The following ARHGEF7 variants were observed in gnomAD, a reference collection of about 807,000 sequenced individuals.
ARHGEF7 encodes Rho guanine nucleotide exchange factor 7, also known as PAK-interacting exchange factor beta.
ARHGEF7 carries 33 observed loss-of-function variants against 109.8 expected under a neutral mutation model. The ratio of observed to expected loss-of-function variants is 0.30; its 90% CI spans 0.23 to 0.40. The LOEUF (loss-of-function observed/expected upper bound fraction) is 0.40, where lower values mean the gene tolerates loss of function less well. Ranked by LOEUF, ARHGEF7 falls within the 10% of genes least tolerant of loss-of-function variation. The pLI is 1.00. For synonymous variants in ARHGEF7, 458 were observed against 424.6 expected, an observed-to-expected ratio of 1.08 and a Z score of -0.97; for missense variants, 938 against 1,098.5, an observed-to-expected ratio of 0.85 and a Z score of 2.07.
intron 4 of ARHGEF7, among the ~76,000 whole-genome samples, chr13:111,212,443 C>T (rs1020454744): frequency 1.3e-5 from 2 of 152,108 alleles, no homozygotes; most frequent in African/African-American, 2.4e-5. Context: ...TGTTCGACAC[C>T]GCTGGAATTC....
intron 2 of ARHGEF7, among the ~76,000 whole-genome samples, chr13:111,200,329 A>G (rs754624875): frequency 6.7e-6 from 1 of 148,752 alleles, no homozygotes; most frequent in Non-Finnish European, 1.5e-5. Flanking sequence ...GCCTTAACTC[A>G]TTTTTTTTTC....
At chr13:111,138,657 C>T (rs2075201714) in intron 1 of ARHGEF7, among the ~76,000 whole-genome samples, 2 of 152,116 alleles carry the variant, frequency 1.3e-5, no homozygotes, top group African/African-American at 2.4e-5. Flanking sequence ...CTGCACCGCT[C>T]GCACCGTCCT....
At chr13:111,244,429 A>G (rs1028772991) in intron 8 of ARHGEF7, 135 bp downstream of exon 8, 2 of 607,198 alleles carry the variant, frequency 3.3e-6, no homozygotes, top group Non-Finnish European at 2.9e-6. Context: ...TGGGTAAATC[A>G]GCTTTTACAG....
chr13:111,287,774 C>T (rs986168756), intron 17 of ARHGEF7, among the ~76,000 whole-genome samples: 4 of 152,192 alleles, frequency 2.6e-5, no homozygotes, highest in Admixed American at 1.3e-4. Context: ...CCTGGCAGAG[C>T]GGGAGGTAGC....
At chr13:111,244,371 T>C in intron 8 of ARHGEF7, 77 bp downstream of exon 8, 1 of 855,474 alleles carries the variant, frequency 1.2e-6, no homozygotes, top group Non-Finnish European at 1.8e-6. Flanking sequence ...GAAGTAATTT[T>C]AGAATTCACA....
Position 111,304,491 on chromosome 13 carries a change from G to A in ARHGEF7, c.*1378G>A, listed in dbSNP as rs1272285630. 1 of 152,232 alleles carries A rather than the reference G, an allele frequency of 6.6e-6. No homozygotes were observed. Among genetic ancestry groups the A allele is most frequent in the African/African-American group, 2.4e-5 (1 of 41,460 alleles). The allele number at this position is 152,232 out of a possible 1,614,324, so 9.4% of individuals were successfully genotyped here. A position where few individuals can be genotyped will look rare whatever the true frequency, so the allele number is the denominator to read the frequency against. ...TTAAAAACCCAAATTGCAGCACCGT[G>A]GATTACTGGTCTCAGAACAACTCAT... On this transcript the variant is annotated 3_prime_UTR_variant, in exon 22 of 22. Coordinates refer to ENST00000646102, the MANE Select transcript of ARHGEF7 (RefSeq NM_001354046.2).
chr13:111,197,158 C>T (rs910156259), intron 2 of ARHGEF7, among the ~76,000 whole-genome samples: 12 of 151,082 alleles, frequency 7.9e-5, no homozygotes, highest in African/African-American at 2.5e-4. Context: ...TTGCGCTCAC[C>T]GACGCAGCAG....
chr13:111,241,052 G>T (rs1021088103), intron 6 of ARHGEF7: 29 of 1,256,330 alleles, frequency 2.3e-5, no homozygotes, highest in Non-Finnish European at 2.7e-5. Context: ...TCTTTGTTTT[G>T]CTGTGCTCTG....
At chr13:111,277,811 G>C (rs1166972971) in intron 13 of ARHGEF7, 138 bp downstream of exon 13, 6 of 580,220 alleles carry the variant, frequency 1.0e-5, no homozygotes, top group South Asian at 7.5e-5. Flanking sequence ...AGATATGGAC[G>C]TACAGCTCCT....
chr13:111,283,084 C>T lies in ARHGEF7; in HGVS notation c.1726-55C>T, dbSNP rs760788213. 30 of 1,539,300 alleles carry T rather than the reference C, an allele frequency of 1.9e-5. No individual in the cohort carries two copies. In the East Asian group the frequency reaches 2.2e-4, roughly 11 times the overall value. On this transcript the variant is annotated intron_variant, in intron 15 of 21. Transcript: ENST00000646102. ...GAAGTGCGTGATAAGTGCCCTTTCG[C>T]GGTGAGCACGCGAGTCTCATGTTCT...
rs200499722 is a variant in ARHGEF7 at position 111,286,252 on chromosome 13, C to T, written c.2044+12C>T. Reference sequence around the variant, plus strand: ...CGCGTCCCGGAAAAGTGAGTACCTGCGGTCCGTGTGGTGGAGGACGTGGCC... The same window carrying T: ...CGCGTCCCGGAAAAGTGAGTACCTGTGGTCCGTGTGGTGGAGGACGTGGCC... On this transcript the variant is annotated intron_variant, in intron 17 of 21. Transcript: ENST00000646102. 152 of 1,607,996 alleles carry T rather than the reference C, an allele frequency of 9.5e-5. No homozygotes were observed. The highest frequency in any genetic ancestry group is 1.8e-4 in the Middle Eastern group (1 of 5,510).
At chr13:111,300,584 A>T (rs971223941) in intron 19 of ARHGEF7, among the ~76,000 whole-genome samples, 164 bp from the exon 20 acceptor site, 2 of 152,256 alleles carry the variant, frequency 1.3e-5, no homozygotes, top group Non-Finnish European at 2.9e-5. Flanking sequence ...AGAGGTGAAG[A>T]GAACTGGTAA....
intron 8 of ARHGEF7, among the ~76,000 whole-genome samples, chr13:111,246,658 G>A (rs1195604035): frequency 6.6e-6 from 1 of 152,146 alleles, no homozygotes; most frequent in Non-Finnish European, 1.5e-5. Flanking sequence ...GCATAAAGTG[G>A]CATTACTTAC....
intron 4 of ARHGEF7, among the ~76,000 whole-genome samples, chr13:111,212,776 G>A (rs1353423035): frequency 6.6e-6 from 1 of 152,118 alleles, no homozygotes; most frequent in African/African-American, 2.4e-5. Context: ...ACCATATTTT[G>A]TCAATTCAAA....
intron 1 of ARHGEF7, among the ~76,000 whole-genome samples, chr13:111,119,486 A>G (rs1304582090): frequency 6.6e-6 from 1 of 152,204 alleles, no homozygotes; most frequent in Non-Finnish European, 1.5e-5. Flanking sequence ...TGTAACTCGA[A>G]AGACAAGAAC....
intron 8 of ARHGEF7, among the ~76,000 whole-genome samples, chr13:111,257,207 A>G (rs888946400): frequency 3.3e-5 from 5 of 152,320 alleles, no homozygotes; most frequent in African/African-American, 1.2e-4. Flanking sequence ...TCTTCTTACT[A>G]AAATCCTACT....
chr13:111,304,810 T>C lies in ARHGEF7; in HGVS notation c.*1697T>C, dbSNP rs150327641. 8 of 152,414 alleles carry C rather than the reference T, an allele frequency of 5.2e-5. No homozygotes were observed. The East Asian group carries it at 1.5e-3, about 29-fold the overall frequency. 9.4% of individuals were successfully genotyped at this position (152,414 alleles called of 1,614,324 possible). A position where few individuals can be genotyped will look rare whatever the true frequency, so the allele number is the denominator to read the frequency against. On this transcript the variant is annotated 3_prime_UTR_variant, in exon 22 of 22. Transcript: ENST00000646102. The stretch of plus-strand genomic sequence containing the variant: ...CACTAGAATTGCCAGCTTCCTCAAC[T>C]TAGCAGATCATTCACTCATGCGGGC...
At chr13:111,141,692 T>C (rs1048968515) in intron 1 of ARHGEF7, among the ~76,000 whole-genome samples, 2 of 152,198 alleles carry the variant, frequency 1.3e-5, no homozygotes, top group Non-Finnish European at 2.9e-5. Flanking sequence ...TCCCATTGTA[T>C]GATGTACCAC....
chr13:111,221,057 C>T (rs1052487294), intron 5 of ARHGEF7, among the ~76,000 whole-genome samples: 1 of 144,668 alleles, frequency 6.9e-6, no homozygotes, highest in South Asian at 2.2e-4. Flanking sequence ...ATATATATAT[C>T]TACATATACA....
Sources: gnomAD v4.1 joint callset for allele counts (sites outside exome capture counted in the v4.1 genomes callset) on GRCh38, gnomAD v4.1.1 for gene constraint, MANE v1.5 for transcripts, NCBI Gene and HGNC (gene_info 2026-07-23, HGNC 2026-07-21) for gene names.